PDE1A: variants seen among roughly 807,000 people sequenced by gnomAD.
PDE1A encodes phosphodiesterase 1A, also known as dual specificity calcium/calmodulin-dependent 3',5'-cyclic nucleotide phosphodiesterase 1A.
A neutral mutation model predicts 61.7 loss-of-function variants in PDE1A; 35 were observed. The ratio of observed to expected loss-of-function variants is 0.57; its 90% CI spans 0.43 to 0.75. The LOEUF (loss-of-function observed/expected upper bound fraction) is 0.75. Among genes scored for constraint, PDE1A ranks in the 30% least tolerant of loss-of-function variants. The pLI, the probability that PDE1A is intolerant of heterozygous loss-of-function variation, is 0.00. For synonymous variants in PDE1A, 232 were observed against 213.2 expected (o/e 1.09, Z -0.77); for missense variants, 597 against 630.6 (o/e 0.95, Z 0.57).
intron 2 of PDE1A, among the ~76,000 whole-genome samples, chr2:182,435,544 G>A (rs1212266573): frequency 6.6e-6 from 1 of 152,046 alleles, no homozygotes; most frequent in Admixed American, 6.6e-5. Context: ...CATAAAAAGA[G>A]GGGTTGTAAT....
At chr2:182,694,834 G>GGA in the PDE1A span, among the ~76,000 whole-genome samples, 75,320 of 137,636 alleles carry the variant, frequency 0.55, 21,832 homozygotes, top group Middle Eastern at 0.69. Flanking sequence ...GTGGGGGGGG[G>GGA]GCAACAGTTG....
intron 1 of PDE1A, among the ~76,000 whole-genome samples, chr2:182,339,600 T>C (rs1174489316): frequency 6.6e-6 from 1 of 152,166 alleles, no homozygotes; most frequent in Non-Finnish European, 1.5e-5. Flanking sequence ...ATGGCCTGAG[T>C]TCTACAAGTC....
chr2:182,428,026 C>T (rs182874786), upstream of PDE1A, among the ~76,000 whole-genome samples: 311 of 152,162 alleles, frequency 2.0e-3, 3 homozygotes, highest in Non-Finnish European at 2.5e-3. Context: ...GAAAGATCAC[C>T]TTTTTATTTT....
chr2:182,320,065 A>G (rs1468013768), intron 1 of PDE1A, among the ~76,000 whole-genome samples: 1 of 152,204 alleles, frequency 6.6e-6, no homozygotes, highest in Admixed American at 6.6e-5. Context: ...ATAAGGGCCA[A>G]CTGGAAGCTA....
At chr2:182,279,072 A>G (rs1693630971) in intron 1 of PDE1A, among the ~76,000 whole-genome samples, 1 of 151,974 alleles carries the variant, frequency 6.6e-6, no homozygotes, top group African/African-American at 2.4e-5. Context: ...CCAAAATCCT[A>G]AACCAAAACA....
chr2:182,299,010 A>T (rs1695061714), intron 1 of PDE1A, among the ~76,000 whole-genome samples: 1 of 152,032 alleles, frequency 6.6e-6, no homozygotes, highest in African/African-American at 2.4e-5. Flanking sequence ...TAGATTCAAA[A>T]CCTATTAACT....
intron 2 of PDE1A, among the ~76,000 whole-genome samples, chr2:182,470,363 GTTAA>G (rs1167862853): frequency 2.0e-5 from 3 of 151,832 alleles, no homozygotes; most frequent in African/African-American, 7.2e-5. Context: ...ACTCAATGGT[GTTAA>G]TCTCAATGCT....
intron 1 of PDE1A, among the ~76,000 whole-genome samples, chr2:182,293,171 T>A (rs907493597): frequency 7.2e-5 from 11 of 152,070 alleles, no homozygotes; most frequent in Non-Finnish European, 7.4e-5. Flanking sequence ...TCTGTAAGAA[T>A]TATTTAAGAA....
At chr2:182,377,852 GTT>G (rs565502154) in intron 1 of PDE1A, among the ~76,000 whole-genome samples, 1 of 146,216 alleles carries the variant, frequency 6.8e-6, no homozygotes, top group South Asian at 2.2e-4. Flanking sequence ...AATTCAGACA[GTT>G]TTTTTTTTTT....
the PDE1A span, among the ~76,000 whole-genome samples, chr2:182,647,625 T>G: frequency 2.4e-4 from 36 of 152,308 alleles, no homozygotes; most frequent in Middle Eastern, 3.4e-3. Flanking sequence ...ATATCACCTT[T>G]TTCTGAGCAG....
the PDE1A span, among the ~76,000 whole-genome samples, chr2:182,715,155 G>A: frequency 6.6e-6 from 1 of 152,114 alleles, no homozygotes; most frequent in Admixed American, 6.5e-5. Flanking sequence ...GTGTCATAAT[G>A]CTTAACATCA....
chr2:182,327,075 G>A (rs1484848405), intron 1 of PDE1A, among the ~76,000 whole-genome samples: 2 of 152,154 alleles, frequency 1.3e-5, no homozygotes, highest in Non-Finnish European at 2.9e-5. Context: ...TAGCTGACTA[G>A]GAATTCTTCT....
intron 2 of PDE1A, among the ~76,000 whole-genome samples, chr2:182,459,739 G>A (rs1559483247): frequency 6.6e-6 from 1 of 152,108 alleles, no homozygotes; most frequent in Non-Finnish European, 1.5e-5. Flanking sequence ...AACATTCAAT[G>A]AGGAATGCTA....
intron 1 of PDE1A, among the ~76,000 whole-genome samples, chr2:182,323,990 A>ACACCAGT (rs1466517965): frequency 6.6e-6 from 1 of 152,174 alleles, no homozygotes; most frequent in East Asian, 1.9e-4. Context: ...GAGACTCGCT[A>ACACCAGT]CACCAGTAGG....
chr2:182,461,213 C>T lies in PDE1A; in HGVS notation c.101+61063G>A, dbSNP rs146981746. ...GAACTATAGGAATCTGAAAGGAATACGAAAAACTAAAGTAAAGTTCAACCA... is the reference window on the plus strand; with the variant it reads ...GAACTATAGGAATCTGAAAGGAATATGAAAAACTAAAGTAAAGTTCAACCA... On this transcript the variant is annotated intron_variant, in intron 2 of 14. Coordinates refer to the PDE1A transcript ENST00000410103. Among the ~76,000 whole-genome samples the T allele has an allele frequency of 6.8e-3, 1,035 of 152,006 alleles. 5 individuals carry two copies. Among genetic ancestry groups the T allele is most frequent in the South Asian group, 0.017 (81 of 4,820 alleles).
chr2:182,147,574 G>A (rs1480823973), intron 13 of PDE1A, among the ~76,000 whole-genome samples: 1 of 152,154 alleles, frequency 6.6e-6, no homozygotes, highest in Non-Finnish European at 1.5e-5. Context: ...TGAAAGGATA[G>A]TAGTGTTTAA....
At chr2:182,300,005 G>A (rs369823003) in intron 1 of PDE1A, among the ~76,000 whole-genome samples, 56 of 152,286 alleles carry the variant, frequency 3.7e-4, no homozygotes, top group Middle Eastern at 3.4e-3. Context: ...CCTAATTCAG[G>A]GGTGTATCAC....
the PDE1A span, among the ~76,000 whole-genome samples, chr2:182,533,695 A>C: frequency 6.6e-6 from 1 of 152,294 alleles, no homozygotes; most frequent in Non-Finnish European, 1.5e-5. Context: ...TGGAATATCA[A>C]AAAATAATTC....
intron 2 of PDE1A, among the ~76,000 whole-genome samples, chr2:182,503,497 AC>A (rs1307931466): frequency 6.6e-6 from 1 of 150,982 alleles, no homozygotes; most frequent in Non-Finnish European, 1.5e-5. Context: ...CAATTATTCC[AC>A]TCTTTCTCCT....
Sources: allele counts gnomAD v4.1 joint callset (sites outside exome capture counted in the v4.1 genomes callset), GRCh38; gene constraint gnomAD v4.1.1; transcripts MANE v1.5; gene names NCBI Gene and HGNC (gene_info 2026-07-23, HGNC 2026-07-21).